PHLPP1: variants seen among roughly 807,000 people sequenced by gnomAD.
PHLPP1 encodes PH domain leucine-rich repeat-containing protein phosphatase 1.
A neutral mutation model predicts 117.2 loss-of-function variants in PHLPP1; 42 were observed. The ratio of observed to expected loss-of-function variants is 0.36; its 90% CI spans 0.28 to 0.46. The LOEUF (loss-of-function observed/expected upper bound fraction) is 0.46, where lower values mean the gene tolerates loss of function less well. Ranked by LOEUF, PHLPP1 falls within the 20% of genes least tolerant of loss-of-function variation. PHLPP1 has a pLI of 1.00. For missense variants in PHLPP1, 2,084 were observed against 2,241.9 expected, an observed-to-expected ratio of 0.93 and a Z score of 1.42; for synonymous variants, 1,042 against 970.7, an observed-to-expected ratio of 1.07 and a Z score of -1.37.
intron 6 of PHLPP1, among the ~76,000 whole-genome samples, chr18:62,896,547 G>A (rs570256603): frequency 1.3e-5 from 2 of 151,988 alleles, no homozygotes; most frequent in Admixed American, 6.5e-5. Flanking sequence ...CACCCGCCTC[G>A]GCCTCCCAAA....
chr18:62,786,415 A>T (rs1356208357), intron 1 of PHLPP1, among the ~76,000 whole-genome samples: 1 of 152,108 alleles, frequency 6.6e-6, no homozygotes, highest in Admixed American at 6.5e-5. Context: ...CTTAACTATC[A>T]TTATTACTTT....
chr18:62,874,106 C>T (rs1452085555), intron 4 of PHLPP1, among the ~76,000 whole-genome samples: 1 of 151,502 alleles, frequency 6.6e-6, no homozygotes. Context: ...ATCGCTTCAA[C>T]CCGAGAGGTG....
In PHLPP1 at chr18:62,860,572, A is replaced by T. The variant is rs771735382; in HGVS notation, c.2037A>T (p.Pro679=). The T allele has an allele frequency of 1.9e-6, 3 of 1,613,344 alleles. No individual in the cohort carries two copies. The highest frequency in any genetic ancestry group is 2.5e-6 in the Non-Finnish European group (3 of 1,179,624). The change falls in exon 4 of 17, where the codon CCA becomes CCT. Residue 679 remains proline, a synonymous_variant. Transcript: ENST00000262719. Reference sequence around the variant, plus strand: ...TCCTAAGGCAGAACCCTAGCCTTCCAGCTGCCAGGGGGCTTAATGAACTGC... The same window carrying T: ...TCCTAAGGCAGAACCCTAGCCTTCCTGCTGCCAGGGGGCTTAATGAACTGC... ...QNFLRQNPSL[P]AARGLNELQR...
intron 6 of PHLPP1, among the ~76,000 whole-genome samples, chr18:62,897,516 C>T (rs189315808): frequency 2.1e-3 from 323 of 152,164 alleles, no homozygotes; most frequent in African/African-American, 7.5e-3. Context: ...GTTTTTGCTT[C>T]TGTTTTCAGA....
intron 1 of PHLPP1, among the ~76,000 whole-genome samples, chr18:62,811,502 G>A (rs1019733816): frequency 2.7e-5 from 4 of 150,134 alleles, no homozygotes; most frequent in African/African-American, 9.8e-5. Context: ...TCACCAATCC[G>A]TTTACTATGA....
At chr18:62,958,858 C>T in intron 13 of PHLPP1, 99 bp downstream of exon 13, 1 of 1,354,388 alleles carries the variant, frequency 7.4e-7, no homozygotes, top group Non-Finnish European at 1.0e-6. Context: ...GCATCATTGA[C>T]TTGTTAGCTG....
intron 1 of PHLPP1, among the ~76,000 whole-genome samples, chr18:62,807,461 C>T (rs1255237611): frequency 6.6e-6 from 1 of 152,102 alleles, no homozygotes; most frequent in African/African-American, 2.4e-5. Context: ...TTCTTGTATT[C>T]ACATAGCTTA....
At chr18:62,768,888 A>G (rs1912650513) in intron 1 of PHLPP1, among the ~76,000 whole-genome samples, 1 of 152,224 alleles carries the variant, frequency 6.6e-6, no homozygotes, top group African/African-American at 2.4e-5. Context: ...TCAGAATTAT[A>G]ATTTTAGTTT....
chr18:62,808,546 T>C (rs1339651456), intron 1 of PHLPP1, among the ~76,000 whole-genome samples: 1 of 151,064 alleles, frequency 6.6e-6, no homozygotes, highest in African/African-American at 2.4e-5. Context: ...TTCATCTCTC[T>C]GTTTTTTTTT....
chr18:62,917,158 T>TTTTATATTTG (rs1909311886), intron 9 of PHLPP1, among the ~76,000 whole-genome samples: 1 of 148,620 alleles, frequency 6.7e-6, no homozygotes, highest in Non-Finnish European at 1.5e-5. Context: ...AAGATATATT[T>TTTTATATTTG]TATATATTTT....
intron 3 of PHLPP1, among the ~76,000 whole-genome samples, chr18:62,847,145 T>C (rs573380623): frequency 6.6e-6 from 1 of 152,364 alleles, no homozygotes; most frequent in South Asian, 2.1e-4. Context: ...ATTTGTATAA[T>C]TAGACTATTA....
chr18:62,762,629 G>A (rs577991410), intron 1 of PHLPP1, among the ~76,000 whole-genome samples: 71 of 151,966 alleles, frequency 4.7e-4, no homozygotes, highest in Non-Finnish European at 8.1e-4. Flanking sequence ...GGCCAGGCTG[G>A]TCTCGAACTC....
chr18:62,888,650 A>G (rs370762137), intron 4 of PHLPP1, among the ~76,000 whole-genome samples: 41 of 152,348 alleles, frequency 2.7e-4, no homozygotes, highest in Admixed American at 4.6e-4. Context: ...GTGAGCCGTT[A>G]TCACACCACT....
At chr18:62,770,260 A>G (rs200641496) in intron 1 of PHLPP1, among the ~76,000 whole-genome samples, 2 of 152,052 alleles carry the variant, frequency 1.3e-5, no homozygotes, top group Non-Finnish European at 2.9e-5. Context: ...ACAGGCATGC[A>G]CCACCACACC....
intron 1 of PHLPP1, among the ~76,000 whole-genome samples, chr18:62,827,544 A>G (rs969535481): frequency 3.3e-5 from 5 of 152,206 alleles, no homozygotes; most frequent in African/African-American, 9.7e-5. Flanking sequence ...CCCACTTAGT[A>G]CACAGCCATG....
At chr18:62,925,200 T>C (rs1236911738) in intron 10 of PHLPP1, among the ~76,000 whole-genome samples, 1 of 152,286 alleles carries the variant, frequency 6.6e-6, no homozygotes, top group East Asian at 1.9e-4. Flanking sequence ...CTTCTGTTTC[T>C]TCCTGAAATC....
chr18:62,775,036 T>C (rs1250385135), intron 1 of PHLPP1, among the ~76,000 whole-genome samples: 3 of 152,180 alleles, frequency 2.0e-5, no homozygotes, highest in African/African-American at 4.8e-5. Flanking sequence ...TACTACTCTA[T>C]TGAAACTACA....
chr18:62,950,931 G>T (rs1249132719), intron 12 of PHLPP1, among the ~76,000 whole-genome samples: 1 of 151,956 alleles, frequency 6.6e-6, no homozygotes, highest in African/African-American at 2.4e-5. Context: ...AGTTAAGACT[G>T]CATATTCTCT....
chr18:62,975,902 T>C (rs1196433080), intron 16 of PHLPP1, among the ~76,000 whole-genome samples: 1 of 152,184 alleles, frequency 6.6e-6, no homozygotes. Context: ...GCTTTGGTGG[T>C]TGAGGGCTCT....
Sources: gnomAD v4.1 joint callset for allele counts (sites outside exome capture counted in the v4.1 genomes callset) on GRCh38, gnomAD v4.1.1 for gene constraint, MANE v1.5 for transcripts, NCBI Gene and HGNC (gene_info 2026-07-23, HGNC 2026-07-21) for gene names.